PHF6: variants seen among roughly 807,000 people sequenced by gnomAD.
PHF6 encodes PHD-like zinc finger protein.
In PHF6, 7 loss-of-function variants were observed where a neutral mutation model predicts 34.0. The observed-to-expected ratio is 0.21, with a 90% CI of 0.12 to 0.39. The LOEUF (loss-of-function observed/expected upper bound fraction) is 0.39, where lower values mean the gene tolerates loss of function less well. PHF6 is among the 10% of genes least tolerant of loss of function. PHF6 has a pLI of 1.00. For missense variants in PHF6, 128 were observed against 262.8 expected (o/e 0.49, Z 3.55); for synonymous variants, 89 against 88.4 (o/e 1.01, Z -0.04).
chrX:134,383,079 CA>C (rs1285585705), intron 3 of PHF6, among the ~76,000 whole-genome samples: 2 of 109,486 alleles, frequency 1.8e-5, no homozygotes, highest in Non-Finnish European at 3.8e-5. Flanking sequence ...CCTATCTCTA[CA>C]AAAAAATTTA....
rs934777742 is a variant in PHF6 at position 134,381,242 on chromosome X, G to A, written c.240+3136G>A. ...TATAGGGGATAGGAATGTAACATACGTTTAGGTTTGAAATAATTTTTGAAA... is the reference window on the plus strand; with the variant it reads ...TATAGGGGATAGGAATGTAACATACATTTAGGTTTGAAATAATTTTTGAAA... On this transcript the variant is annotated intron_variant, in intron 3 of 10. Transcript: ENST00000370803. 1.8e-4 allele frequency among the ~76,000 whole-genome samples: 20 copies of A among 111,007 alleles called. No homozygotes were observed. In the East Asian group the frequency reaches 2.5e-3, roughly 14 times the overall value.
At chrX:134,385,730 C>T (rs6638217) in intron 3 of PHF6, among the ~76,000 whole-genome samples, 2 of 110,213 alleles carry the variant, frequency 1.8e-5, no homozygotes, top group African/African-American at 3.3e-5. Flanking sequence ...GGAAAAATGA[C>T]GTTGGTTATT....
intron 5 of PHF6, 51 bp from the exon 6 acceptor site, chrX:134,413,440 A>G (rs2077459148): frequency 2.6e-6 from 3 of 1,151,975 alleles, no homozygotes; most frequent in African/African-American, 1.8e-5. Flanking sequence ...CCATGAACTA[A>G]TACTTATTTT....
intron 3 of PHF6, among the ~76,000 whole-genome samples, chrX:134,382,564 TTC>T (rs1378974188): frequency 9.7e-5 from 9 of 92,460 alleles, no homozygotes; most frequent in Non-Finnish European, 1.5e-4. Context: ...ATAGCTATTC[TTC>T]TTTTTTTTTT....
Position 134,380,871 on chromosome X carries a change from G to A in PHF6, c.240+2765G>A, listed in dbSNP as rs994483270. 2.7e-5 allele frequency among the ~76,000 whole-genome samples: 3 copies of A among 111,855 alleles called. No homozygotes were observed. In the East Asian group the frequency reaches 8.4e-4, roughly 31 times the overall value. On this transcript the variant is annotated intron_variant, in intron 3 of 10. Transcript: ENST00000370803. ...TGTTTTTGTTTGTTTTTGTTTTTGA[G>A]ATGGAGTCTTGCTCTGTTGCCCAGG...
chrX:134,408,337 ACT>A (rs749836520), intron 5 of PHF6, among the ~76,000 whole-genome samples: 2 of 112,030 alleles, frequency 1.8e-5, no homozygotes, highest in East Asian at 5.6e-4. Flanking sequence ...TATACGAGTG[ACT>A]CTGTAAGATA....
intron 8 of PHF6, 72 bp from the exon 9 acceptor site, chrX:134,417,097 C>T (rs986753284): frequency 9.0e-7 from 1 of 1,115,012 alleles, no homozygotes; most frequent in Admixed American, 2.2e-5. Flanking sequence ...TTTCAGTGTA[C>T]TCTTTTTCAA....
At chrX:134,384,650 TTTCTTTTTC>T (rs1313556826) in intron 3 of PHF6, among the ~76,000 whole-genome samples, 9 of 103,862 alleles carry the variant, frequency 8.7e-5, no homozygotes, top group Non-Finnish European at 1.8e-4. Flanking sequence ...TCTTTCTTTC[TTTCTTTTTC>T]TTTTTTTTTT....
rs146591512 is a variant in PHF6 at position 134,378,663 on chromosome X, C to A, written c.240+557C>A. ...ATGTTCCCGTAGTTGTCTTCACTAC[C>A]AATAACCATATTAGTAAGATATTAC... On this transcript the variant is annotated intron_variant, in intron 3 of 10. Transcript: ENST00000370803. Among the ~76,000 whole-genome samples the A allele has an allele frequency of 6.2e-5, 7 of 112,753 alleles. No homozygotes were observed. The East Asian group carries it at 1.9e-3, about 31-fold the overall frequency.
At chrX:134,396,277 A>G (rs1029997712) in intron 5 of PHF6, among the ~76,000 whole-genome samples, 43 of 111,774 alleles carry the variant, frequency 3.8e-4, no homozygotes, top group Non-Finnish European at 6.4e-4. Context: ...GAATACAAGT[A>G]TGAGCACACT....
At chrX:134,392,252 A>C (rs752264022) in intron 3 of PHF6, among the ~76,000 whole-genome samples, 2 of 112,418 alleles carry the variant, frequency 1.8e-5, no homozygotes, top group East Asian at 5.6e-4. Flanking sequence ...ATTAATAAAA[A>C]GAGGGATGAG....
chrX:134,426,520 C>T lies in PHF6; in HGVS notation c.*860C>T, dbSNP rs185015324. ...ACACTTCACATATTGGCGCACAGTA[C>T]GTAAGGAGGTCTCATGTGCTGTAGG... On this transcript the variant is annotated 3_prime_UTR_variant, in exon 11 of 11. Coordinates refer to ENST00000370803, the MANE Select transcript of PHF6 (RefSeq NM_001015877.2). 89 of 162,161 alleles carry T rather than the reference C, an allele frequency of 5.5e-4. 2 individuals carry two copies. Among genetic ancestry groups the T allele is most frequent in the Admixed American group, 5.0e-3 (61 of 12,230 alleles). 13.4% of individuals were successfully genotyped at this position (162,161 alleles called of 1,213,427 possible).
At chrX:134,394,251 A>G (rs1304541247) in intron 5 of PHF6, among the ~76,000 whole-genome samples, 1 of 109,043 alleles carries the variant, frequency 9.2e-6, no homozygotes, top group African/African-American at 3.4e-5. Context: ...TTCCTGCCTC[A>G]GCCTCCTGAG....
At chrX:134,411,519 ATTTG>A (rs780325419) in intron 5 of PHF6, among the ~76,000 whole-genome samples, 2 of 110,354 alleles carry the variant, frequency 1.8e-5, no homozygotes, top group African/African-American at 6.6e-5. Flanking sequence ...TAAACATCTT[ATTTG>A]TTTATTGTTA....
intron 5 of PHF6, among the ~76,000 whole-genome samples, chrX:134,396,947 A>G (rs1300440658): frequency 9.0e-6 from 1 of 110,521 alleles, no homozygotes; most frequent in Non-Finnish European, 1.9e-5. Context: ...ATTAATATCT[A>G]TGGTAATGTC....
rs954839271 is a variant in PHF6, at chrX:134,426,876, A to G, written c.*1216A>G. The G allele has an allele frequency of 1.8e-5, 3 of 163,765 alleles. No homozygotes were observed. In the Admixed American group the frequency reaches 2.4e-4, roughly 13 times the overall value. 13.5% of individuals were successfully genotyped at this position (163,765 alleles called of 1,213,427 possible). ...CTTTAGTTGTGGTCTGCCTGATACT[A>G]CCATAGCACCTCAGTACCAAGGGGA... On this transcript the variant is annotated 3_prime_UTR_variant, in exon 11 of 11. Coordinates refer to ENST00000370803, the MANE Select transcript of PHF6 (RefSeq NM_001015877.2).
At chrX:134,424,184 C>T (rs969331910) in intron 9 of PHF6, among the ~76,000 whole-genome samples, 3 of 110,377 alleles carry the variant, frequency 2.7e-5, no homozygotes, top group African/African-American at 9.9e-5. Flanking sequence ...ACCTATATTA[C>T]GATTTTTATT....
intron 3 of PHF6, among the ~76,000 whole-genome samples, chrX:134,378,756 C>T (rs181022615): frequency 2.5e-4 from 28 of 111,830 alleles, no homozygotes; most frequent in African/African-American, 6.8e-4. Context: ...TACTTTGAAA[C>T]GATTATTTTT....
chrX:134,426,533 CAT>C lies in PHF6; in HGVS notation c.*874_*875del, dbSNP rs748212969. On this transcript the variant is annotated 3_prime_UTR_variant, in exon 11 of 11. Coordinates refer to ENST00000370803, the MANE Select transcript of PHF6 (RefSeq NM_001015877.2). ...TGGCGCACAGTACGTAAGGAGGTCT[CAT>C]GTGCTGTAGGAGTAAAAAAGTCTTT... The C allele has an allele frequency of 2.5e-3, 401 of 162,522 alleles. 2 individuals are homozygous for C. Among genetic ancestry groups the C allele is most frequent in the African/African-American group, 0.011 (367 of 33,392 alleles). The allele number at this position is 162,522 out of a possible 1,213,427, so 13.4% of individuals were successfully genotyped here. A position where few individuals can be genotyped will look rare whatever the true frequency, so the allele number is the denominator to read the frequency against.
Sources: gnomAD v4.1 joint callset for allele counts (sites outside exome capture counted in the v4.1 genomes callset) on GRCh38, gnomAD v4.1.1 for gene constraint, MANE v1.5 for transcripts, NCBI Gene and HGNC (gene_info 2026-07-23, HGNC 2026-07-21) for gene names.